LAMA4: variants seen among roughly 807,000 people sequenced by gnomAD.
LAMA4 encodes the protein laminin subunit alpha-4.
LAMA4 carries 127 observed loss-of-function variants against 207.1 expected under a neutral mutation model. That is an observed-to-expected ratio of 0.61 (90% CI 0.53 to 0.71). The LOEUF (loss-of-function observed/expected upper bound fraction) is 0.71, where lower values mean the gene tolerates loss of function less well. Ranked by LOEUF, LAMA4 falls within the 30% of genes least tolerant of loss-of-function variation. The pLI is 0.00. For synonymous variants in LAMA4, 761 were observed against 816.0 expected, an observed-to-expected ratio of 0.93 and a Z score of 1.15; for missense variants, 2,093 against 2,246.5, an observed-to-expected ratio of 0.93 and a Z score of 1.38.
chr6:112,124,671 A>G (rs144342305), intron 31 of LAMA4, among the ~76,000 whole-genome samples: 1 of 152,104 alleles, frequency 6.6e-6, no homozygotes, highest in East Asian at 1.9e-4. Flanking sequence ...AGTTCAATTT[A>G]GCAAGATTCT....
At chr6:112,251,046 C>T (rs1005804620) in intron 2 of LAMA4, among the ~76,000 whole-genome samples, 1 of 152,154 alleles carries the variant, frequency 6.6e-6, no homozygotes, top group Admixed American at 6.5e-5. Flanking sequence ...TGTTGAGAAT[C>T]ACTGTTCTCA....
chr6:112,236,186 T>C (rs1399356992), intron 2 of LAMA4: 1 of 152,228 alleles, frequency 6.6e-6, no homozygotes, highest in African/African-American at 2.4e-5. Context: ...GTGACTCAAC[T>C]TCTAGCTCTG....
At chr6:112,176,295 G>A (rs965447822) in intron 10 of LAMA4, among the ~76,000 whole-genome samples, 8 of 152,168 alleles carry the variant, frequency 5.3e-5, no homozygotes. Context: ...ATGATGAGAA[G>A]GAAGGTATGT....
At chr6:112,199,991 C>T (rs1360917498) in intron 5 of LAMA4, 2 of 449,470 alleles carry the variant, frequency 4.4e-6, no homozygotes, top group Non-Finnish European at 8.9e-6. Flanking sequence ...GTTTAGCTGC[C>T]TAAACACAAT....
At chr6:112,162,881 A>G (rs1644750675) in intron 13 of LAMA4, among the ~76,000 whole-genome samples, 1 of 152,082 alleles carries the variant, frequency 6.6e-6, no homozygotes, top group Non-Finnish European at 1.5e-5. Flanking sequence ...GTATAGGTAG[A>G]AAAGAAGGCC....
chr6:112,163,153 T>G (rs1278232082), intron 13 of LAMA4, among the ~76,000 whole-genome samples: 2 of 94,356 alleles, frequency 2.1e-5, no homozygotes, highest in Non-Finnish European at 4.6e-5. Flanking sequence ...AAAAAAATTT[T>G]CTTTTTTGTA....
Position 112,191,733 on chromosome 6 carries a change from G to A in LAMA4, c.621C>T (p.Gly207=). The part of the protein sequence containing the change: ...LIFEDCDEVT[G]QCRNCLRNTT... Reference sequence around the variant, plus strand: ...TGTTGCGTAAGCAATTCCTACACTGGCCAGTGACTTCATCACAATCTTCAA... The same window carrying A: ...TGTTGCGTAAGCAATTCCTACACTGACCAGTGACTTCATCACAATCTTCAA... The change falls in exon 6 of 39, where the codon GGC becomes GGT. Residue 207 remains glycine, a synonymous_variant. Coordinates refer to ENST00000230538, the MANE Select transcript of LAMA4 (RefSeq NM_001105206.3). 1 of 1,613,990 alleles carries A rather than the reference G, an allele frequency of 6.2e-7. No homozygotes were observed. Among genetic ancestry groups the A allele is most frequent in the Non-Finnish European group, 8.5e-7 (1 of 1,179,902 alleles).
At chr6:112,238,930 C>T (rs560229597) in intron 2 of LAMA4, among the ~76,000 whole-genome samples, 2 of 152,102 alleles carry the variant, frequency 1.3e-5, no homozygotes, top group South Asian at 2.1e-4. Flanking sequence ...GTGTGATGAA[C>T]TGAATTGTGT....
At chr6:112,163,471 G>C (rs574997450) in intron 13 of LAMA4, among the ~76,000 whole-genome samples, 1 of 152,288 alleles carries the variant, frequency 6.6e-6, no homozygotes, top group South Asian at 2.1e-4. Flanking sequence ...CGCTAGCCAG[G>C]GTAGAGGCCA....
intron 10 of LAMA4, among the ~76,000 whole-genome samples, chr6:112,176,055 T>A (rs1302437182): frequency 6.6e-6 from 1 of 152,166 alleles, no homozygotes; most frequent in African/African-American, 2.4e-5. Flanking sequence ...AAATACAAAA[T>A]GAGGGTTTGT....
chr6:112,130,069 C>T, intron 29 of LAMA4, 29 bp from the exon 30 acceptor site: 1 of 1,601,822 alleles, frequency 6.2e-7, no homozygotes, highest in Non-Finnish European at 8.5e-7. Flanking sequence ...TCTTTACATA[C>T]CACAGAGCTA....
At chr6:112,181,080 A>C (rs1487690829) in intron 9 of LAMA4, among the ~76,000 whole-genome samples, 4 of 152,146 alleles carry the variant, frequency 2.6e-5, no homozygotes, top group Non-Finnish European at 1.5e-5. Context: ...ACTGGTCACC[A>C]AGTCTGTTTC....
At chr6:112,165,416 C>T (rs903228008) in intron 12 of LAMA4, 140 bp from the exon 13 acceptor site, 2 of 718,252 alleles carry the variant, frequency 2.8e-6, no homozygotes, top group Non-Finnish European at 5.2e-6. Flanking sequence ...TGCTGTGTGC[C>T]TTTGGGGAAT....
chr6:112,190,954 T>TTCC (rs1783065762), intron 6 of LAMA4, among the ~76,000 whole-genome samples: 1 of 121,434 alleles, frequency 8.2e-6, no homozygotes, highest in Non-Finnish European at 1.7e-5. Flanking sequence ...TTTCCTTTCT[T>TTCC]TCTTTCTTTC....
At chr6:112,241,898 T>C (rs1211412603) in intron 2 of LAMA4, among the ~76,000 whole-genome samples, 2 of 152,164 alleles carry the variant, frequency 1.3e-5, no homozygotes, top group African/African-American at 4.8e-5. Flanking sequence ...GTCTTCCCTG[T>C]CTCCTAACAT....
intron 5 of LAMA4, among the ~76,000 whole-genome samples, chr6:112,192,521 T>G (rs1783178881): frequency 1.3e-5 from 2 of 151,974 alleles, no homozygotes; most frequent in African/African-American, 2.4e-5. Context: ...ATCAATGGAG[T>G]TGGAGCCCAG....
At chr6:112,191,395 A>G (rs1783111840) in intron 6 of LAMA4, among the ~76,000 whole-genome samples, 1 of 152,200 alleles carries the variant, frequency 6.6e-6, no homozygotes, top group South Asian at 2.1e-4. Context: ...ACAAAAGTTC[A>G]TTTGTTGTGT....
At position 112,140,014 on chromosome 6, in the gene LAMA4, G is replaced by A. The variant is rs115695381; in HGVS notation, c.2977-129C>T. On this transcript the variant is annotated intron_variant, in intron 22 of 38. Transcript: ENST00000230538. Reference sequence around the variant, plus strand: ...TTTGTGGAAATATCTTTCTAGACCCGAGTGTGTTTATGCCAAATCATTTAG... The same window carrying A: ...TTTGTGGAAATATCTTTCTAGACCCAAGTGTGTTTATGCCAAATCATTTAG... The A allele has an allele frequency of 1.2e-4, 109 of 901,516 alleles. No homozygotes were observed. In the African/African-American group the frequency reaches 1.3e-3, roughly 11 times the overall value. The allele number at this position is 901,516 out of a possible 1,614,324, so 55.8% of individuals were successfully genotyped here. A position where few individuals can be genotyped will look rare whatever the true frequency, so the allele number is the denominator to read the frequency against.
At position 112,127,070 on chromosome 6, in the gene LAMA4, C is replaced by A. The variant is rs117643185; in HGVS notation, c.4287+1852G>T. Among the ~76,000 whole-genome samples the A allele has an allele frequency of 3.1e-3, 467 of 152,238 alleles. 1 individual carries two copies. The highest frequency in any genetic ancestry group is 4.5e-3 in the Non-Finnish European group (309 of 68,030). ...GTGCATATAATTTCATGCATTAACTCATTTAGTTTTTGTTACAACCCTATG... is the reference window on the plus strand; with the variant it reads ...GTGCATATAATTTCATGCATTAACTAATTTAGTTTTTGTTACAACCCTATG... On this transcript the variant is annotated intron_variant, in intron 31 of 38. Transcript: ENST00000230538.
Sources: gnomAD v4.1 joint callset for allele counts (sites outside exome capture counted in the v4.1 genomes callset) on GRCh38, gnomAD v4.1.1 for gene constraint, MANE v1.5 for transcripts, NCBI Gene and HGNC (gene_info 2026-07-23, HGNC 2026-07-21) for gene names.